The following MARCHF1 variants were observed in gnomAD, a reference collection of about 807,000 sequenced individuals.
The protein encoded by MARCHF1 is E3 ubiquitin-protein ligase MARCHF1.
A neutral mutation model predicts 54.2 loss-of-function variants in MARCHF1; 40 were observed. The observed-to-expected ratio is 0.74, with a 90% CI of 0.57 to 0.96. The LOEUF (loss-of-function observed/expected upper bound fraction) is 0.96. Ranked by LOEUF, MARCHF1 falls within the 40% of genes least tolerant of loss-of-function variation. The probability of loss-of-function intolerance (pLI) is 0.00; values close to 1 mark genes in which losing one functional copy is unlikely to be tolerated. For synonymous variants in MARCHF1, 236 were observed against 236.3 expected (o/e 1.00, Z 0.01); for missense variants, 586 against 656.5 (o/e 0.89, Z 1.17).
At chr4:163,575,580 A>G (rs1035768323) in intron 8 of MARCHF1, among the ~76,000 whole-genome samples, 2 of 152,138 alleles carry the variant, frequency 1.3e-5, no homozygotes, top group South Asian at 2.1e-4. Flanking sequence ...TGAGTTGGAG[A>G]GGAGTCCCTC....
At chr4:164,009,900 C>A (rs945676791) in intron 2 of MARCHF1, among the ~76,000 whole-genome samples, 4 of 151,986 alleles carry the variant, frequency 2.6e-5, no homozygotes, top group Non-Finnish European at 4.4e-5. Flanking sequence ...GGATGCCTAC[C>A]TTTACCACTT....
At chr4:163,554,787 T>C (rs1202494399) in intron 8 of MARCHF1, among the ~76,000 whole-genome samples, 8 of 152,208 alleles carry the variant, frequency 5.3e-5, no homozygotes. Context: ...ACCAAATTAT[T>C]TTTATAAAAC....
intron 3 of MARCHF1, among the ~76,000 whole-genome samples, chr4:163,941,475 G>A (rs1382059406): frequency 6.6e-6 from 1 of 152,124 alleles, no homozygotes; most frequent in Non-Finnish European, 1.5e-5. Context: ...AGTTAGGTAG[G>A]TTAAATAGAA....
At chr4:163,934,572 TAAGTAA>T (rs1224725370) in intron 3 of MARCHF1, among the ~76,000 whole-genome samples, 1 of 111,518 alleles carries the variant, frequency 9.0e-6, no homozygotes. Flanking sequence ...AAACTCTTTT[TAAGTAA>T]AAAAAAAAAA....
At chr4:163,625,131 T>C (rs1441333679) in intron 5 of MARCHF1, among the ~76,000 whole-genome samples, 1 of 152,170 alleles carries the variant, frequency 6.6e-6, no homozygotes, top group Non-Finnish European at 1.5e-5. Flanking sequence ...AACACACCCA[T>C]TCTTTTATTT....
intron 1 of MARCHF1, chr4:164,189,093 T>C (rs1370728504): frequency 1.5e-6 from 1 of 681,736 alleles, no homozygotes; most frequent in Non-Finnish European, 2.7e-6. Flanking sequence ...CCATTGACAA[T>C]GGTGTCTTCG....
intron 1 of MARCHF1, among the ~76,000 whole-genome samples, chr4:164,186,349 G>T (rs1306357914): frequency 6.6e-6 from 1 of 152,164 alleles, no homozygotes; most frequent in Non-Finnish European, 1.5e-5. Context: ...TAAAAAACCT[G>T]TCATCCTCAA....
intron 2 of MARCHF1, among the ~76,000 whole-genome samples, chr4:164,105,339 G>A (rs1449843543): frequency 1.4e-5 from 2 of 146,752 alleles, no homozygotes; most frequent in African/African-American, 5.1e-5. Context: ...CAAAGCTGGA[G>A]GCATCACACT....
intron 2 of MARCHF1, among the ~76,000 whole-genome samples, chr4:164,039,142 C>T (rs373034270): frequency 1.6e-4 from 25 of 152,074 alleles, no homozygotes; most frequent in South Asian, 4.1e-4. Context: ...TCCATTAGTA[C>T]CTAGTTCTTA....
chr4:163,612,809 C>T lies in MARCHF1; in HGVS notation c.472G>A (p.Asp158Asn). The T allele has an allele frequency of 6.5e-7, 1 of 1,535,036 alleles. No individual in the cohort carries two copies. The highest frequency in any genetic ancestry group is 1.4e-5 in the African/African-American group (1 of 73,010). ...TCTGTGGAAGATGAATCTGAAGAAT[C>T]TGTGTAAAGCTCCCTCCACCTGGGG... ...SSPRWRELYT[D>N]SSDSSSTDES... The change falls in exon 7 of 10, where the codon GAT becomes AAT. Residue 158 changes from aspartate to asparagine, a missense_variant. Asp to Asn is a conservative substitution (Grantham distance 23). Around this residue, in one of 3 missense-constraint regions of MARCHF1, gnomAD observed 387 missense variants for 394.6 expected, o/e 0.98. Coordinates refer to ENST00000514618, the MANE Select transcript of MARCHF1 (RefSeq NM_001394959.1).
intron 1 of MARCHF1, among the ~76,000 whole-genome samples, chr4:164,188,037 A>G (rs534557926): frequency 1.1e-3 from 169 of 152,296 alleles, no homozygotes; most frequent in African/African-American, 3.7e-3. Flanking sequence ...ATTTTCCATT[A>G]AGGGCCATTT....
chr4:164,286,171 A>G (rs1354573277), intron 1 of MARCHF1, among the ~76,000 whole-genome samples: 2 of 152,194 alleles, frequency 1.3e-5, no homozygotes, highest in African/African-American at 4.8e-5. Context: ...ATAAATGGAA[A>G]TTTTAGTTAC....
intron 5 of MARCHF1, among the ~76,000 whole-genome samples, chr4:163,681,745 C>A (rs1266418259): frequency 6.6e-6 from 1 of 152,206 alleles, no homozygotes; most frequent in Non-Finnish European, 1.5e-5. Context: ...TCAATTAAAC[C>A]TCTTTCCTTT....
chr4:164,238,835 C>T (rs992439953), intron 1 of MARCHF1, among the ~76,000 whole-genome samples: 2 of 151,782 alleles, frequency 1.3e-5, no homozygotes, highest in Non-Finnish European at 2.9e-5. Context: ...TTAATCAGGT[C>T]ATTTTGGATG....
At chr4:163,929,963 A>ATATT (rs56692278) in intron 3 of MARCHF1, among the ~76,000 whole-genome samples, 15,819 of 62,054 alleles carry the variant, frequency 0.25, 1,219 homozygotes, top group East Asian at 0.37. Flanking sequence ...TATTATATAT[A>ATATT]ATATATATAA....
intron 3 of MARCHF1, among the ~76,000 whole-genome samples, chr4:163,869,119 A>C (rs539399860): frequency 9.2e-5 from 14 of 151,920 alleles, no homozygotes; most frequent in Non-Finnish European, 1.3e-4. Context: ...AAAACCCCCC[A>C]AAAAAAGATC....
intron 2 of MARCHF1, among the ~76,000 whole-genome samples, chr4:164,004,963 C>A: frequency 6.6e-6 from 1 of 150,532 alleles, no homozygotes; most frequent in East Asian, 2.0e-4. Flanking sequence ...AAAAAAAGGT[C>A]AATAAAAGAA....
rs553164830 is a variant in MARCHF1, at chr4:163,528,521, C to G, written c.*227G>C. On this transcript the variant is annotated 3_prime_UTR_variant, in exon 10 of 10. Coordinates refer to ENST00000514618, the MANE Select transcript of MARCHF1 (RefSeq NM_001394959.1). ...GTCTTGGAAATCATTCTCTTGCAAA[C>G]TTCACATTTCCATATCATACTTTAC... The G allele has an allele frequency of 2.1e-6, 1 of 479,448 alleles. No individual in the cohort carries two copies. The highest frequency in any genetic ancestry group is 3.3e-5 in the East Asian group (1 of 30,174). The allele number at this position is 479,448 out of a possible 1,614,324, so 29.7% of individuals were successfully genotyped here.
At chr4:164,001,121 C>T (rs1011602714) in intron 2 of MARCHF1, among the ~76,000 whole-genome samples, 1 of 151,746 alleles carries the variant, frequency 6.6e-6, no homozygotes, top group Non-Finnish European at 1.5e-5. Flanking sequence ...ATCCAATAGT[C>T]TACTTTTCCT....
Sources: gnomAD v4.1 joint callset for allele counts (sites outside exome capture counted in the v4.1 genomes callset) on GRCh38, gnomAD v4.1.1 for gene constraint, gnomAD v4.1.1 regional missense constraint, MANE v1.5 for transcripts, NCBI Gene and HGNC (gene_info 2026-07-23, HGNC 2026-07-21) for gene names.